HYDIN: variants seen among roughly 807,000 people sequenced by gnomAD.
HYDIN encodes the protein axonemal central pair apparatus protein HYDIN.
HYDIN carries 132 observed loss-of-function variants against 403.9 expected under a neutral mutation model. That is an observed-to-expected ratio of 0.33 (90% CI 0.28 to 0.38). The LOEUF is 0.38. Ranked by LOEUF, HYDIN falls within the 10% of genes least tolerant of loss-of-function variation. The pLI, the probability that HYDIN is intolerant of heterozygous loss-of-function variation, is 1.00. For synonymous variants in HYDIN, 1,202 were observed against 1,891.7 expected (o/e 0.64, Z 9.46); for missense variants, 2,827 against 5,009.5 (o/e 0.56, Z 13.15).
At chr16:71,129,612 T>C (rs1568198131) in intron 9 of HYDIN, 28 bp downstream of exon 9, 2 of 1,561,722 alleles carry the variant, frequency 1.3e-6, no homozygotes, top group Non-Finnish European at 8.6e-7. Flanking sequence ...ACATTTCCTG[T>C]ATGGTCAGCT....
At chr16:70,947,477 T>A (rs2077910211) in intron 41 of HYDIN, among the ~76,000 whole-genome samples, 1 of 151,726 alleles carries the variant, frequency 6.6e-6, no homozygotes, top group Non-Finnish European at 1.5e-5. Flanking sequence ...TCAATGTTCA[T>A]CAAGGATATT....
intron 22 of HYDIN, among the ~76,000 whole-genome samples, chr16:71,019,587 G>T (rs1261171156): frequency 1.2e-4 from 19 of 152,376 alleles, no homozygotes; most frequent in South Asian, 4.1e-4. Flanking sequence ...GCCATGCTTG[G>T]TGATTAAATG....
intron 12 of HYDIN, among the ~76,000 whole-genome samples, chr16:71,085,876 T>A (rs1182009619): frequency 1.3e-5 from 2 of 152,160 alleles, no homozygotes; most frequent in African/African-American, 4.8e-5. Context: ...GTAAAAAGCA[T>A]ATAGATACAA....
intron 21 of HYDIN, among the ~76,000 whole-genome samples, chr16:71,021,186 TTTTACTCTGTTAGATACATTAGA>T (rs981027451): frequency 2.0e-5 from 3 of 151,914 alleles, no homozygotes; most frequent in South Asian, 4.2e-4. Flanking sequence ...AGAAGTATCT[TTTTACTCTGTTAGATACATTAGA>T]TTTAATTTTT....
At chr16:71,174,494 G>T (rs1375110838) in intron 5 of HYDIN, among the ~76,000 whole-genome samples, 1 of 152,160 alleles carries the variant, frequency 6.6e-6, no homozygotes, top group Non-Finnish European at 1.5e-5. Context: ...CCTGCATTTT[G>T]TTCTGCATAT....
At chr16:71,138,783 C>A (rs1183524457) in intron 7 of HYDIN, among the ~76,000 whole-genome samples, 2 of 152,080 alleles carry the variant, frequency 1.3e-5, no homozygotes. Context: ...TAAGTTAATA[C>A]TCAAAGAACT....
In HYDIN at chr16:71,230,603, C is replaced by T. The variant is rs1431065442; in HGVS notation, c.-65G>A. 1.6e-5 allele frequency: 24 copies of T among 1,535,960 alleles called. No homozygotes were observed. The highest frequency in any genetic ancestry group is 2.0e-5 in the Admixed American group (1 of 50,974). On this transcript the variant is annotated 5_prime_UTR_variant, in exon 1 of 86. Coordinates refer to ENST00000393567, the MANE Select transcript of HYDIN (RefSeq NM_001270974.2). ...TCCCACGTTTATTCTACCTCCATTC[C>T]CCGCCAAGACCCCGCGTCCAACTCA...
intron 21 of HYDIN, among the ~76,000 whole-genome samples, chr16:71,021,164 G>A (rs2080475922): frequency 6.6e-6 from 1 of 151,128 alleles, no homozygotes; most frequent in South Asian, 2.1e-4. Flanking sequence ...ATAATACCAG[G>A]ATAGTTGATT....
intron 1 of HYDIN, among the ~76,000 whole-genome samples, chr16:71,191,966 G>C (rs1040546538): frequency 1.3e-5 from 2 of 152,114 alleles, no homozygotes; most frequent in African/African-American, 4.8e-5. Flanking sequence ...TACTTACTAT[G>C]TGCCTGACAA....
intron 80 of HYDIN, 123 bp from the exon 81 acceptor site, chr16:70,829,953 G>C (rs1016953374): frequency 1.2e-6 from 1 of 805,754 alleles, no homozygotes; most frequent in African/African-American, 1.7e-5. Flanking sequence ...ATGAGTTTCA[G>C]TGGGTCCGTT....
intron 85 of HYDIN, among the ~76,000 whole-genome samples, chr16:70,808,707 G>A (rs1017878332): frequency 3.3e-5 from 5 of 152,180 alleles, no homozygotes; most frequent in African/African-American, 1.2e-4. Flanking sequence ...CTGCCTCTTG[G>A]CTACAGCCAC....
chr16:70,863,484 C>T (rs1190413641), intron 67 of HYDIN, among the ~76,000 whole-genome samples: 2 of 152,192 alleles, frequency 1.3e-5, no homozygotes, highest in African/African-American at 4.8e-5. Flanking sequence ...TCCTAAACCC[C>T]CACCATGAGA....
At chr16:70,818,835 A>G (rs8055022) in intron 83 of HYDIN, among the ~76,000 whole-genome samples, 5,536 of 151,846 alleles carry the variant, frequency 0.036, 368 homozygotes, top group African/African-American at 0.13. Flanking sequence ...GGACTGTCCA[A>G]CGCCAGCACT....
intron 23 of HYDIN, among the ~76,000 whole-genome samples, chr16:71,012,790 G>C (rs530585077): frequency 6.6e-6 from 1 of 151,538 alleles, no homozygotes; most frequent in Non-Finnish European, 1.5e-5. Context: ...CCACTTTTAT[G>C]TGGTTTATGT....
intron 23 of HYDIN, among the ~76,000 whole-genome samples, chr16:70,998,450 T>A (rs2079599224): frequency 6.8e-6 from 1 of 147,918 alleles, no homozygotes; most frequent in Non-Finnish European, 1.5e-5. Flanking sequence ...ATTAATTTCA[T>A]TGCTGAGATT....
Position 70,805,953 on chromosome 16 carries a change from C to G in HYDIN, c.*1627G>C, listed in dbSNP as rs1463755749. ...TCTCATGCCATCCCACTCCATCCTG[C>G]TCAGGATGTGAATCATCCCCTCGTC... On this transcript the variant is annotated 3_prime_UTR_variant, in exon 86 of 86. Transcript: ENST00000393567. 6.6e-6 allele frequency among the ~76,000 whole-genome samples: 1 copy of G among 152,176 alleles called. No individual in the cohort carries two copies. The highest frequency in any genetic ancestry group is 1.5e-5 in the Non-Finnish European group (1 of 68,026).
At chr16:70,898,990 T>A (rs2076285641) in intron 53 of HYDIN, among the ~76,000 whole-genome samples, 1 of 152,124 alleles carries the variant, frequency 6.6e-6, no homozygotes, top group South Asian at 2.1e-4. Flanking sequence ...AGGGTGGTCT[T>A]GAACTCCTGA....
intron 18 of HYDIN, among the ~76,000 whole-genome samples, chr16:71,032,315 T>TG (rs1240750700): frequency 6.7e-6 from 1 of 149,522 alleles, no homozygotes; most frequent in Non-Finnish European, 1.5e-5. Context: ...TTGTTTTTTT[T>TG]TTTTTTGGAG....
At position 70,899,194 on chromosome 16, in the gene HYDIN, C is replaced by T. The variant is rs2076291246; in HGVS notation, c.9048+1810G>A. 3.3e-5 allele frequency among the ~76,000 whole-genome samples: 5 copies of T among 152,186 alleles called. No homozygotes were observed. The South Asian group carries it at 1.0e-3, about 32-fold the overall frequency. On this transcript the variant is annotated intron_variant, in intron 53 of 85. Transcript: ENST00000393567. ...GTATGGGGAGTTGAACTGTGGTCCC[C>T]CAAAAAGTATGTCTACTTCTTAACT...
Sources: gnomAD v4.1 joint callset for allele counts (sites outside exome capture counted in the v4.1 genomes callset) on GRCh38, gnomAD v4.1.1 for gene constraint, MANE v1.5 for transcripts, NCBI Gene and HGNC (gene_info 2026-07-23, HGNC 2026-07-21) for gene names.